PCDHA2: variants seen among roughly 807,000 people sequenced by gnomAD.
PCDHA2 encodes protocadherin alpha-2.
In PCDHA2, 58 loss-of-function variants were observed where a neutral mutation model predicts 66.0. That is an observed-to-expected ratio of 0.88 (90% confidence interval 0.71 to 1.09). The LOEUF (loss-of-function observed/expected upper bound fraction) is 1.09. PCDHA2 is among the 50% of genes least tolerant of loss of function. The probability of loss-of-function intolerance (pLI) is 0.00; values close to 1 mark genes in which losing one functional copy is unlikely to be tolerated. For synonymous variants in PCDHA2, 634 were observed against 554.0 expected, an observed-to-expected ratio of 1.14 and a Z score of -2.03; for missense variants, 1,267 against 1,242.3, an observed-to-expected ratio of 1.02 and a Z score of -0.30.
At chr5:140,951,431 G>A (rs1003684083) in intron 1 of PCDHA2, among the ~76,000 whole-genome samples, 1 of 152,044 alleles carries the variant, frequency 6.6e-6, no homozygotes, top group Non-Finnish European at 1.5e-5. Context: ...TCCACAGGCT[G>A]TAGGAAGCAT....
intron 1 of PCDHA2, chr5:140,865,657 A>C (rs2048950943): frequency 6.6e-6 from 1 of 152,200 alleles, no homozygotes; most frequent in Admixed American, 6.5e-5. Flanking sequence ...ATTTCATTTA[A>C]TACTTATAAC....
intron 1 of PCDHA2, among the ~76,000 whole-genome samples, chr5:140,917,329 G>C (rs543216216): frequency 3.5e-5 from 5 of 143,930 alleles, no homozygotes; most frequent in South Asian, 2.2e-4. Flanking sequence ...TGTGGCGGGG[G>C]AGGGGGGGGA....
At chr5:140,905,986 T>G (rs2072268646) in intron 1 of PCDHA2, among the ~76,000 whole-genome samples, 1 of 152,198 alleles carries the variant, frequency 6.6e-6, no homozygotes, top group Non-Finnish European at 1.5e-5. Flanking sequence ...GGGAGAAAGA[T>G]GTAGGCTGGG....
intron 1 of PCDHA2, among the ~76,000 whole-genome samples, chr5:140,872,690 T>C (rs1485284839): frequency 6.6e-6 from 1 of 152,210 alleles, no homozygotes; most frequent in Non-Finnish European, 1.5e-5. Context: ...ATGGCATGAT[T>C]TATGATTCCA....
At chr5:140,894,446 T>TA (rs2064476840) in intron 1 of PCDHA2, among the ~76,000 whole-genome samples, 2 of 152,118 alleles carry the variant, frequency 1.3e-5, no homozygotes, top group East Asian at 3.9e-4. Flanking sequence ...AGCTCTTTTT[T>TA]AAAAAATATT....
chr5:140,873,030 C>T (rs251373), intron 1 of PCDHA2, among the ~76,000 whole-genome samples: 67,234 of 151,934 alleles, frequency 0.44, 15,336 homozygotes, highest in South Asian at 0.58. Context: ...TCTTACTACA[C>T]GTAGAGTGGT....
At position 141,010,228 on chromosome 5, in the gene PCDHA2, C is replaced by T. The variant is rs1290626143; in HGVS notation, c.*291C>T. The stretch of plus-strand genomic sequence containing the variant: ...CCGCAAAGGAGAGGCTTCCCAGCCC[C>T]GCCAGTGAGAGGTTGGACTCTCTGC... On this transcript the variant is annotated 3_prime_UTR_variant, in exon 4 of 4. Coordinates refer to ENST00000526136, the MANE Select transcript of PCDHA2 (RefSeq NM_018905.3). 35 of 1,551,916 alleles carry T rather than the reference C, an allele frequency of 2.3e-5. No homozygotes were observed. The highest frequency in any genetic ancestry group is 2.8e-5 in the Non-Finnish European group (32 of 1,147,054).
intron 1 of PCDHA2, chr5:140,824,859 A>G (rs1768373145): frequency 1.3e-5 from 2 of 152,032 alleles, no homozygotes; most frequent in African/African-American, 4.8e-5. Flanking sequence ...TTTGTTTTCA[A>G]TTGTATTTTT....
At chr5:140,847,770 T>C (rs2150403735) in intron 1 of PCDHA2, 3 of 149,954 alleles carry the variant, frequency 2.0e-5, no homozygotes, top group African/African-American at 7.3e-5. Context: ...TTAAAGTCAA[T>C]TCTCGCTTTT....
At chr5:140,928,652 A>T in intron 1 of PCDHA2, 1 of 1,614,188 alleles carries the variant, frequency 6.2e-7, no homozygotes, top group Non-Finnish European at 8.5e-7. Context: ...GTAGCAGAGG[A>T]TGCTGACAGT....
intron 1 of PCDHA2, among the ~76,000 whole-genome samples, chr5:140,914,080 T>G (rs2076596374): frequency 6.6e-6 from 1 of 152,222 alleles, no homozygotes; most frequent in African/African-American, 2.4e-5. Flanking sequence ...TAACTATCTA[T>G]TAGGTCAATT....
At chr5:140,800,983 A>T (rs568383923) in intron 1 of PCDHA2, 2 of 1,350,980 alleles carry the variant, frequency 1.5e-6, no homozygotes, top group Non-Finnish European at 1.9e-6. Context: ...TACATATTTA[A>T]TACTTACACG....
At chr5:140,798,581 C>T (rs7719256) in intron 1 of PCDHA2, among the ~76,000 whole-genome samples, 8,170 of 152,186 alleles carry the variant, frequency 0.054, 723 homozygotes, top group African/African-American at 0.19. Flanking sequence ...CAGAGATTGA[C>T]TACTTTTTTC....
chr5:140,999,747 C>T (rs2097874058), intron 3 of PCDHA2, among the ~76,000 whole-genome samples: 1 of 152,008 alleles, frequency 6.6e-6, no homozygotes, highest in East Asian at 1.9e-4. Flanking sequence ...AATCTGGGTT[C>T]GCAGCACATG....
intron 2 of PCDHA2, among the ~76,000 whole-genome samples, chr5:140,981,680 C>T (rs1238332235): frequency 6.6e-6 from 1 of 151,746 alleles, no homozygotes; most frequent in Non-Finnish European, 1.5e-5. Flanking sequence ...CTTCCTTCCT[C>T]CCTTCCATCA....
chr5:140,891,934 T>C lies in PCDHA2; in HGVS notation c.2389-87015T>C, dbSNP rs373423866. Among the ~76,000 whole-genome samples the C allele has an allele frequency of 5.9e-5, 9 of 152,230 alleles. No homozygotes were observed. The East Asian group carries it at 9.6e-4, about 16-fold the overall frequency. ...AGATGCTGGTGCCTTGATCTTGGAC[T>C]TCCCCTAGGCTCCAGAATTGTGAGA... On this transcript the variant is annotated intron_variant, in intron 1 of 3. Transcript: ENST00000526136.
chr5:140,988,444 A>G (rs1554250146), intron 3 of PCDHA2, among the ~76,000 whole-genome samples: 1 of 152,112 alleles, frequency 6.6e-6, no homozygotes, highest in Non-Finnish European at 1.5e-5. Flanking sequence ...GATTGACCTG[A>G]AGGGAGGAAG....
At chr5:140,820,300 A>G (rs2150106496) in intron 1 of PCDHA2, among the ~76,000 whole-genome samples, 151,637 of 152,098 alleles carry the variant, frequency 1, 75,590 homozygotes, top group East Asian at 1. Context: ...AAACAATTCT[A>G]TGACAATATC....
At chr5:140,900,572 G>A (rs1244478745) in intron 1 of PCDHA2, among the ~76,000 whole-genome samples, 3 of 152,068 alleles carry the variant, frequency 2.0e-5, no homozygotes, top group Non-Finnish European at 4.4e-5. Flanking sequence ...CCACGGCACC[G>A]GCCCATTTTC....
Sources: gnomAD v4.1 joint callset for allele counts (sites outside exome capture counted in the v4.1 genomes callset) on GRCh38, gnomAD v4.1.1 for gene constraint, MANE v1.5 for transcripts, NCBI Gene and HGNC (gene_info 2026-07-23, HGNC 2026-07-21) for gene names.